PXDNL: variants seen among roughly 807,000 people sequenced by gnomAD.
PXDNL encodes probable oxidoreductase PXDNL.
Under a neutral mutation model 150.8 loss-of-function variants are expected in PXDNL, and 145 were observed. That is an observed-to-expected ratio of 0.96 (90% CI 0.84 to 1.10). The LOEUF (loss-of-function observed/expected upper bound fraction) is 1.10. Among genes scored for constraint, PXDNL ranks in the 50% least tolerant of loss-of-function variants. The pLI is 0.00. For synonymous variants in PXDNL, 757 were observed against 725.7 expected, an observed-to-expected ratio of 1.04 and a Z score of -0.69; for missense variants, 2,087 against 1,873.9, an observed-to-expected ratio of 1.11 and a Z score of -2.10.
intron 6 of PXDNL, among the ~76,000 whole-genome samples, chr8:51,476,433 C>T (rs765933625): frequency 5.9e-5 from 9 of 152,182 alleles, no homozygotes; most frequent in Non-Finnish European, 1.2e-4. Context: ...GAAGGTCCCC[C>T]TCTGGAATTG....
chr8:51,798,929 T>G (rs1436591488), intron 1 of PXDNL, among the ~76,000 whole-genome samples: 1 of 152,082 alleles, frequency 6.6e-6, no homozygotes, highest in Non-Finnish European at 1.5e-5. Context: ...TATAAATCAT[T>G]CTATTATAAA....
chr8:51,459,344 C>T (rs963060017), intron 8 of PXDNL, among the ~76,000 whole-genome samples: 2 of 152,198 alleles, frequency 1.3e-5, no homozygotes, highest in African/African-American at 2.4e-5. Context: ...AATAAGACTA[C>T]TTGCAAAGGA....
At chr8:51,339,333 G>T (rs796514345) in intron 21 of PXDNL, among the ~76,000 whole-genome samples, 13 of 152,258 alleles carry the variant, frequency 8.5e-5, no homozygotes, top group African/African-American at 1.7e-4. Context: ...AGTGACGGAC[G>T]CCTGTAATCC....
chr8:51,765,140 T>C (rs2037213808), intron 1 of PXDNL, among the ~76,000 whole-genome samples: 1 of 152,200 alleles, frequency 6.6e-6, no homozygotes, highest in South Asian at 2.1e-4. Flanking sequence ...TTGATATGGT[T>C]TGGCTGTGTC....
At chr8:51,479,238 T>C (rs1009508401) in intron 6 of PXDNL, among the ~76,000 whole-genome samples, 11 of 152,208 alleles carry the variant, frequency 7.2e-5, no homozygotes, top group Non-Finnish European at 1.5e-4. Flanking sequence ...TTTCTCTGAG[T>C]CACAGAAGGC....
At chr8:51,414,279 G>C (rs548428161) in intron 14 of PXDNL, among the ~76,000 whole-genome samples, 44 of 151,500 alleles carry the variant, frequency 2.9e-4, no homozygotes, top group African/African-American at 9.0e-4. Context: ...TTTGACAATA[G>C]ATGGGCCCAT....
intron 3 of PXDNL, among the ~76,000 whole-genome samples, chr8:51,561,894 T>TA (rs1449969503): frequency 3.9e-5 from 6 of 151,936 alleles, no homozygotes; most frequent in Non-Finnish European, 7.4e-5. Context: ...TTACACTTTT[T>TA]AAAAAATGTT....
At chr8:51,585,138 G>A (rs1281318614) in intron 3 of PXDNL, among the ~76,000 whole-genome samples, 1 of 152,120 alleles carries the variant, frequency 6.6e-6, no homozygotes, top group African/African-American at 2.4e-5. Flanking sequence ...CACATTTGAA[G>A]GGGAAAGTAA....
chr8:51,478,585 G>T (rs1023030209), intron 6 of PXDNL, among the ~76,000 whole-genome samples: 13 of 152,264 alleles, frequency 8.5e-5, no homozygotes, highest in Admixed American at 8.5e-4. Context: ...GTTAGAAATG[G>T]CATGGTACAG....
chr8:51,727,228 T>C (rs1214866710), intron 1 of PXDNL, among the ~76,000 whole-genome samples: 1 of 152,212 alleles, frequency 6.6e-6, no homozygotes, highest in Non-Finnish European at 1.5e-5. Flanking sequence ...ATGCCTTATG[T>C]TGATTGTACT....
At chr8:51,538,997 C>T (rs1368448020) in intron 4 of PXDNL, among the ~76,000 whole-genome samples, 1 of 151,982 alleles carries the variant, frequency 6.6e-6, no homozygotes, top group Non-Finnish European at 1.5e-5. Flanking sequence ...TTAGAATCTC[C>T]AATAAAATAC....
At chr8:51,606,576 C>T (rs1813840670) in intron 2 of PXDNL, among the ~76,000 whole-genome samples, 1 of 152,132 alleles carries the variant, frequency 6.6e-6, no homozygotes, top group Admixed American at 6.5e-5. Context: ...CCTTTAACAT[C>T]TAGAACTGTG....
At chr8:51,373,379 T>C (rs1196778333) in intron 18 of PXDNL, among the ~76,000 whole-genome samples, 1 of 152,190 alleles carries the variant, frequency 6.6e-6, no homozygotes, top group African/African-American at 2.4e-5. Flanking sequence ...ATCCAAGCTA[T>C]GGGACTTTGT....
At chr8:51,589,515 C>CTACTAAAT (rs1240616118) in intron 3 of PXDNL, among the ~76,000 whole-genome samples, 1,545 of 152,214 alleles carry the variant, frequency 0.01, 26 homozygotes, top group African/African-American at 0.034. Context: ...GAAATATGGA[C>CTACTAAAT]AGTAAAAGCC....
chr8:51,493,436 T>G (rs1050038154), intron 5 of PXDNL, among the ~76,000 whole-genome samples: 2 of 152,130 alleles, frequency 1.3e-5, no homozygotes, highest in African/African-American at 4.8e-5. Flanking sequence ...GGAAGGAGAA[T>G]GACTTTTGAC....
intron 3 of PXDNL, among the ~76,000 whole-genome samples, chr8:51,583,071 G>A (rs1436929476): frequency 1.3e-5 from 2 of 152,094 alleles, no homozygotes; most frequent in African/African-American, 4.8e-5. Flanking sequence ...TTTCTCACAG[G>A]GAACCAAAGT....
At chr8:51,362,399 G>A (rs1361881234) in intron 19 of PXDNL, among the ~76,000 whole-genome samples, 1 of 152,076 alleles carries the variant, frequency 6.6e-6, no homozygotes, top group East Asian at 1.9e-4. Context: ...GAATCTAACT[G>A]GCTATCTTTA....
intron 19 of PXDNL, among the ~76,000 whole-genome samples, chr8:51,371,604 G>T (rs898212939): frequency 1.3e-5 from 2 of 152,190 alleles, no homozygotes; most frequent in African/African-American, 4.8e-5. Flanking sequence ...GCAGAAATCT[G>T]AAATGCAGTA....
At chr8:51,477,097 T>G (rs987432611) in intron 6 of PXDNL, among the ~76,000 whole-genome samples, 8 of 152,204 alleles carry the variant, frequency 5.3e-5, no homozygotes, top group Non-Finnish European at 1.2e-4. Context: ...ATTTAGAAAC[T>G]AAAACACTTC....
Sources: allele counts gnomAD v4.1 joint callset (sites outside exome capture counted in the v4.1 genomes callset), GRCh38; gene constraint gnomAD v4.1.1; transcripts MANE v1.5; gene names NCBI Gene and HGNC (gene_info 2026-07-23, HGNC 2026-07-21).